RAPGEF2: variants seen among roughly 807,000 people sequenced by gnomAD.
RAPGEF2 encodes the protein PDZ domain containing guanine nucleotide exchange factor (GEF) 1.
RAPGEF2 carries 54 observed loss-of-function variants against 186.7 expected under a neutral mutation model. That is an observed-to-expected ratio of 0.29 (90% CI 0.23 to 0.36). The LOEUF is 0.36. Ranked by LOEUF, RAPGEF2 falls within the 10% of genes least tolerant of loss-of-function variation. RAPGEF2 has a pLI of 1.00. For synonymous variants in RAPGEF2, 712 were observed against 705.9 expected (o/e 1.01, Z -0.14); for missense variants, 1,532 against 2,045.0 (o/e 0.75, Z 4.84).
chr4:159,237,492 T>C (rs1753406425), intron 4 of RAPGEF2, among the ~76,000 whole-genome samples: 1 of 152,104 alleles, frequency 6.6e-6, no homozygotes, highest in South Asian at 2.1e-4. Context: ...AGAAGGAGAA[T>C]GTTGGCTTTT....
chr4:159,300,182 A>G (rs1261833110), intron 7 of RAPGEF2, among the ~76,000 whole-genome samples: 1 of 150,602 alleles, frequency 6.6e-6, no homozygotes, highest in Non-Finnish European at 1.5e-5. Flanking sequence ...TACTTTATAT[A>G]TGCATAAACC....
intron 7 of RAPGEF2, among the ~76,000 whole-genome samples, chr4:159,291,549 A>G (rs753328468): frequency 1.3e-5 from 2 of 152,006 alleles, no homozygotes; most frequent in Non-Finnish European, 2.9e-5. Context: ...TCCCACCTCA[A>G]CCTTCCAAAG....
chr4:159,287,019 A>C (rs888571149), intron 7 of RAPGEF2, among the ~76,000 whole-genome samples: 3 of 152,170 alleles, frequency 2.0e-5, no homozygotes, highest in Non-Finnish European at 2.9e-5. Context: ...GTAATTATGG[A>C]ATGTGTAAGA....
intron 8 of RAPGEF2, among the ~76,000 whole-genome samples, chr4:159,311,616 C>G (rs1240746656): frequency 6.6e-6 from 1 of 152,088 alleles, no homozygotes; most frequent in Non-Finnish European, 1.5e-5. Context: ...AGTGACTTTG[C>G]TAAAATCACA....
At chr4:159,352,652 A>G in intron 26 of RAPGEF2, 33 bp from the exon 27 acceptor site, 2 of 1,515,698 alleles carry the variant, frequency 1.3e-6, no homozygotes, top group South Asian at 1.1e-5. Flanking sequence ...AAACCTAGAG[A>G]GTCTAATTAA....
Position 159,341,590 on chromosome 4 carries a change from CAG to C in RAPGEF2, c.2563_2564del (p.Glu855AsnfsTer6). The stretch of plus-strand genomic sequence containing the variant: ...TATTATCTGAAAAACAACATGGAAA[CAG>C]AAACTCTTTGTTCAGATGAAGATGC... On this transcript the variant is annotated frameshift_variant, in exon 20 of 30. Transcript: ENST00000691494. LOFTEE classifies it high-confidence loss of function. 1.2e-6 allele frequency: 2 copies of C among 1,601,100 alleles called. No individual in the cohort carries two copies. The highest frequency in any genetic ancestry group is 1.7e-6 in the Non-Finnish European group (2 of 1,176,140).
At chr4:159,171,919 T>TA (rs1416141952) in intron 1 of RAPGEF2, among the ~76,000 whole-genome samples, 1 of 152,090 alleles carries the variant, frequency 6.6e-6, no homozygotes, top group African/African-American at 2.4e-5. Context: ...GTTCAAGAGT[T>TA]ACAGCACCAA....
At chr4:159,336,380 C>G (rs1157073469) in intron 17 of RAPGEF2, among the ~76,000 whole-genome samples, 1 of 152,078 alleles carries the variant, frequency 6.6e-6, no homozygotes, top group East Asian at 1.9e-4. Flanking sequence ...TATGCCTTTG[C>G]CTACTCATAG....
chr4:159,112,640 T>C (rs1359401653), intron 1 of RAPGEF2, among the ~76,000 whole-genome samples: 1 of 152,104 alleles, frequency 6.6e-6, no homozygotes, highest in Non-Finnish European at 1.5e-5. Context: ...GAGACACCTC[T>C]TTGTTATAGA....
At chr4:159,178,616 C>T (rs566798150) in intron 1 of RAPGEF2, among the ~76,000 whole-genome samples, 59 of 134,556 alleles carry the variant, frequency 4.4e-4, no homozygotes, top group Non-Finnish European at 7.5e-4. Flanking sequence ...TGAGTGCTGC[C>T]GCGCGATTTT....
chr4:159,200,541 G>A (rs1374098555), intron 3 of RAPGEF2, among the ~76,000 whole-genome samples: 1 of 151,742 alleles, frequency 6.6e-6, no homozygotes. Flanking sequence ...TGGCTTTACT[G>A]GTTCTTTAGT....
At chr4:159,341,467 C>A in intron 19 of RAPGEF2, 97 bp from the exon 20 acceptor site, 1 of 1,268,556 alleles carries the variant, frequency 7.9e-7, no homozygotes, top group Non-Finnish European at 1.1e-6. Flanking sequence ...AATCAGTGCT[C>A]TCTCAAACTT....
intron 7 of RAPGEF2, among the ~76,000 whole-genome samples, chr4:159,297,155 T>C (rs1042720912): frequency 1.3e-5 from 2 of 152,308 alleles, no homozygotes; most frequent in Admixed American, 1.3e-4. Flanking sequence ...ATAAGCCACA[T>C]CTTATCAAGC....
At chr4:159,246,472 T>G (rs1162993682) in intron 7 of RAPGEF2, among the ~76,000 whole-genome samples, 1 of 152,276 alleles carries the variant, frequency 6.6e-6, no homozygotes, top group East Asian at 1.9e-4. Context: ...CAAATTCTAT[T>G]TCTTACAATG....
intron 3 of RAPGEF2, 77 bp downstream of exon 3, chr4:159,193,333 G>GTA: frequency 1.2e-6 from 1 of 802,796 alleles, no homozygotes; most frequent in Non-Finnish European, 1.8e-6. Context: ...AGGAGTATTA[G>GTA]TAACAGCTGG....
intron 1 of RAPGEF2, among the ~76,000 whole-genome samples, chr4:159,182,934 T>A (rs1483536347): frequency 6.6e-6 from 1 of 152,184 alleles, no homozygotes; most frequent in African/African-American, 2.4e-5. Context: ...CCTAAATAAA[T>A]GTATAGACAT....
chr4:159,123,205 G>A (rs1203118960), intron 1 of RAPGEF2, among the ~76,000 whole-genome samples: 1 of 152,192 alleles, frequency 6.6e-6, no homozygotes, highest in African/African-American at 2.4e-5. Flanking sequence ...TTTGTTAGGG[G>A]TTGGCGCCTC....
chr4:159,226,976 A>G (rs964256992), intron 4 of RAPGEF2, among the ~76,000 whole-genome samples: 9 of 152,072 alleles, frequency 5.9e-5, no homozygotes, highest in African/African-American at 1.9e-4. Context: ...TTTCTTGCAC[A>G]TGTGTTCTTT....
chr4:159,194,654 A>G (rs1201594567), intron 3 of RAPGEF2, among the ~76,000 whole-genome samples: 1 of 152,002 alleles, frequency 6.6e-6, no homozygotes, highest in African/African-American at 2.4e-5. Flanking sequence ...TAACTCTTTA[A>G]TATCATGAAA....
Sources: allele counts gnomAD v4.1 joint callset (sites outside exome capture counted in the v4.1 genomes callset), GRCh38; gene constraint gnomAD v4.1.1; transcripts MANE v1.5; gene names NCBI Gene and HGNC (gene_info 2026-07-23, HGNC 2026-07-21).